Variants in TENM1 observed in about 807,000 individuals in gnomAD.
TENM1 encodes the protein teneurin transmembrane protein 1.
In TENM1, 35 loss-of-function variants were observed where a neutral mutation model predicts 174.8. The observed-to-expected ratio is 0.20, with a 90% CI of 0.15 to 0.27. The LOEUF (loss-of-function observed/expected upper bound fraction) is 0.27. Among genes scored for constraint, TENM1 ranks in the 10% least tolerant of loss-of-function variants. The pLI is 1.00. For missense variants in TENM1, 1,633 were observed against 2,130.1 expected, an observed-to-expected ratio of 0.77 and a Z score of 4.59; for synonymous variants, 781 against 798.7, an observed-to-expected ratio of 0.98 and a Z score of 0.37.
At chrX:124,444,638 A>C (rs1334570758) in intron 23 of TENM1, among the ~76,000 whole-genome samples, 3 of 111,175 alleles carry the variant, frequency 2.7e-5, no homozygotes, top group Non-Finnish European at 5.7e-5. Flanking sequence ...TTCTGTGGCT[A>C]AAGTTTTTTT....
At chrX:124,413,869 A>T (rs2060563981) in intron 25 of TENM1, among the ~76,000 whole-genome samples, 1 of 112,422 alleles carries the variant, frequency 8.9e-6, no homozygotes, top group African/African-American at 3.2e-5. Flanking sequence ...AGAATGACTG[A>T]TTATTACATA....
chrX:124,681,650 G>A (rs2052236938), intron 5 of TENM1, among the ~76,000 whole-genome samples: 1 of 111,416 alleles, frequency 9.0e-6, no homozygotes, highest in Non-Finnish European at 1.9e-5. Flanking sequence ...GGACTCTGGA[G>A]CCAAGGTTTC....
At chrX:125,067,676 A>G in the TENM1 span, among the ~76,000 whole-genome samples, 1 of 111,758 alleles carries the variant, frequency 8.9e-6, no homozygotes, top group African/African-American at 3.2e-5. Flanking sequence ...GTAGCAGGCC[A>G]TGGCTTTTCT....
chrX:124,542,797 C>T (rs763514541), intron 15 of TENM1, among the ~76,000 whole-genome samples: 1 of 110,941 alleles, frequency 9.0e-6, no homozygotes, highest in Non-Finnish European at 1.9e-5. Context: ...GAGTGTATAC[C>T]AACTTATTCA....
intron 3 of TENM1, among the ~76,000 whole-genome samples, chrX:124,757,057 A>T (rs1165386711): frequency 2.7e-5 from 3 of 112,336 alleles, no homozygotes; most frequent in African/African-American, 9.7e-5. Flanking sequence ...TGCAGAGGTT[A>T]CTGCTGTCTT....
chrX:124,653,756 G>C, exon 7 of TENM1: 1 of 1,210,787 alleles, frequency 8.3e-7, no homozygotes, highest in Non-Finnish European at 1.1e-6. Context: ...AACTTCTCCA[G>C]TGTCTATCGC....
At chrX:124,859,508 C>A (rs1239275304) in intron 3 of TENM1, among the ~76,000 whole-genome samples, 1 of 102,625 alleles carries the variant, frequency 9.7e-6, no homozygotes, top group Non-Finnish European at 2.0e-5. Context: ...AGTGCCACTG[C>A]ACTCCAGCCT....
At chrX:124,583,033 G>A (rs1424004216) in intron 11 of TENM1, among the ~76,000 whole-genome samples, 5 of 112,504 alleles carry the variant, frequency 4.4e-5, no homozygotes, top group South Asian at 3.6e-4. Context: ...CAGCTGGGAA[G>A]CTCGAACTGG....
chrX:124,936,343 C>G (rs149500210), intron 1 of TENM1, among the ~76,000 whole-genome samples: 60 of 111,661 alleles, frequency 5.4e-4, no homozygotes, highest in African/African-American at 1.8e-3. Flanking sequence ...TGCTCAGTCC[C>G]TGGCTCTTCA....
the TENM1 span, among the ~76,000 whole-genome samples, chrX:125,030,197 C>T: frequency 1.8e-5 from 2 of 111,977 alleles, no homozygotes; most frequent in African/African-American, 6.5e-5. Context: ...AGCACAGAAT[C>T]GCAATTGGCT....
chrX:124,863,611 G>A (rs1170190807), intron 3 of TENM1, among the ~76,000 whole-genome samples: 1 of 111,787 alleles, frequency 8.9e-6, no homozygotes, highest in Admixed American at 9.4e-5. Context: ...ACAATAGAAC[G>A]CCAGGTATTC....
chrX:124,538,830 TA>T (rs2048259549), intron 15 of TENM1, among the ~76,000 whole-genome samples: 1 of 112,306 alleles, frequency 8.9e-6, no homozygotes, highest in Non-Finnish European at 1.9e-5. Flanking sequence ...TATTTCCTTT[TA>T]AATATTTTAA....
At chrX:125,185,988 C>T in the TENM1 span, among the ~76,000 whole-genome samples, 3 of 111,309 alleles carry the variant, frequency 2.7e-5, no homozygotes, top group African/African-American at 9.8e-5. Flanking sequence ...GAAATTCTCA[C>T]CCATTCCACA....
At chrX:124,749,610 G>A (rs2054014868) in intron 3 of TENM1, among the ~76,000 whole-genome samples, 1 of 111,960 alleles carries the variant, frequency 8.9e-6, no homozygotes, top group African/African-American at 3.2e-5. Context: ...TGAAGTGTCA[G>A]GAATGCTCAG....
chrX:124,863,376 A>G (rs2056947784), intron 3 of TENM1, among the ~76,000 whole-genome samples: 1 of 111,234 alleles, frequency 9.0e-6, no homozygotes, highest in South Asian at 3.9e-4. Flanking sequence ...CCTGGGCCAG[A>G]GAGGAGCCCA....
chrX:124,728,789 G>A (rs1188653582), intron 4 of TENM1, among the ~76,000 whole-genome samples: 2 of 111,771 alleles, frequency 1.8e-5, no homozygotes, highest in African/African-American at 3.3e-5. Flanking sequence ...TAGACCTACA[G>A]CCTAGGTTCA....
the TENM1 span, among the ~76,000 whole-genome samples, chrX:125,026,436 TCAGA>T: frequency 2.7e-5 from 3 of 111,719 alleles, no homozygotes; most frequent in Non-Finnish European, 5.7e-5. Flanking sequence ...ACTCACCAGC[TCAGA>T]CAATTTTAAA....
At chrX:125,065,122 C>A in the TENM1 span, among the ~76,000 whole-genome samples, 1 of 111,579 alleles carries the variant, frequency 9.0e-6, no homozygotes, top group South Asian at 3.7e-4. Flanking sequence ...AGACAAAGCA[C>A]GATCAAAGCA....
Position 124,420,472 on chromosome X carries a change from A to T in TENM1, c.4821T>A (p.Leu1607=), listed in dbSNP as rs138531382. The T allele has an allele frequency of 1.7e-4, 207 of 1,211,066 alleles. No individual in the cohort carries two copies. In the African/African-American group the frequency reaches 3.4e-3, roughly 20 times the overall value. Residue 1607 remains leucine (L), a synonymous_variant, in exon 25 of 32, where the codon CTT becomes CTA. Transcript: ENST00000422452. Reference sequence around the variant, plus strand: ...AGTATACTTGTCCGCCAGGCACCACAAGCCATAGCGGCATTCCGCCTGCAT... The same window carrying T: ...AGTATACTTGTCCGCCAGGCACCACTAGCCATAGCGGCATTCCGCCTGCAT...
Sources: allele counts gnomAD v4.1 joint callset (sites outside exome capture counted in the v4.1 genomes callset), GRCh38; gene constraint gnomAD v4.1.1; transcripts MANE v1.5; gene names NCBI Gene and HGNC (gene_info 2026-07-23, HGNC 2026-07-21).